The following PCDHGA2 variants were observed in gnomAD, a reference collection of about 807,000 sequenced individuals.
PCDHGA2 encodes protocadherin gamma-A2.
In PCDHGA2, 40 loss-of-function variants were observed where a neutral mutation model predicts 59.2. That is an observed-to-expected ratio of 0.68 (90% CI 0.52 to 0.88). PCDHGA2 has a LOEUF of 0.88. Among genes scored for constraint, PCDHGA2 ranks in the 40% least tolerant of loss-of-function variants. The probability of loss-of-function intolerance (pLI) is 0.00; values close to 1 mark genes in which losing one functional copy is unlikely to be tolerated. For missense variants in PCDHGA2, 1,226 were observed against 1,204.0 expected, an observed-to-expected ratio of 1.02 and a Z score of -0.27; for synonymous variants, 560 against 526.0, an observed-to-expected ratio of 1.06 and a Z score of -0.89.
chr5:141,374,457 A>G (rs775796857), intron 1 of PCDHGA2: 1 of 1,613,430 alleles, frequency 6.2e-7, no homozygotes. Context: ...GAAATAGTGG[A>G]CATTAATGAC....
intron 1 of PCDHGA2, chr5:141,372,781 T>C: frequency 6.2e-7 from 1 of 1,608,572 alleles, no homozygotes; most frequent in Non-Finnish European, 8.5e-7. Context: ...AATCCAGAAA[T>C]GCCTTCTAAT....
intron 1 of PCDHGA2, chr5:141,362,561 G>A (rs1416019755): frequency 1.2e-6 from 2 of 1,608,622 alleles, no homozygotes; most frequent in Middle Eastern, 1.7e-4. Context: ...TTGAAGGTGA[G>A]CTTTAATTAA....
chr5:141,350,056 G>A, intron 1 of PCDHGA2: 1 of 406,514 alleles, frequency 2.5e-6, no homozygotes, highest in Non-Finnish European at 4.3e-6. Context: ...TCGACCAAAA[G>A]GAAGTGAAGG....
rs2099403992 is a variant in PCDHGA2, at chr5:141,477,030, C to T, written c.2425-17777C>T. On this transcript the variant is annotated intron_variant, in intron 1 of 3. Transcript: ENST00000394576. This position sits in a 1 kb window ranked among gnomAD's most constrained non-coding sequence, Gnocchi z 4.9. ...TTAGACCTTGTAACCGGGATGCTGACAATCAAGGGTCGGCTGGACTTCGAG... is the reference window on the plus strand; with the variant it reads ...TTAGACCTTGTAACCGGGATGCTGATAATCAAGGGTCGGCTGGACTTCGAG... The T allele has an allele frequency of 1.2e-6, 2 of 1,614,272 alleles. No homozygotes were observed. The highest frequency in any genetic ancestry group is 1.6e-4 in the Middle Eastern group (1 of 6,062).
intron 1 of PCDHGA2, among the ~76,000 whole-genome samples, chr5:141,450,470 AGTTT>A (rs199699353): frequency 4.6e-5 from 7 of 151,680 alleles, no homozygotes; most frequent in Non-Finnish European, 8.8e-5. Flanking sequence ...TTATATATAG[AGTTT>A]GTTTGTTTGT....
At position 141,384,946 on chromosome 5, in the gene PCDHGA2, G is replaced by A. The variant is rs749521895; in HGVS notation, c.2424+43551G>A. The A allele has an allele frequency of 1.2e-5, 19 of 1,613,924 alleles. No individual in the cohort carries two copies. Among genetic ancestry groups the A allele is most frequent in the Non-Finnish European group, 1.4e-5 (17 of 1,180,030 alleles). On this transcript the variant is annotated intron_variant, in intron 1 of 3. Transcript: ENST00000394576. ...CCTGGGCAGCCTTGAGCCCTCCGACGGTCCTTACAACTATGACCTCACGTT... is the reference window on the plus strand; with the variant it reads ...CCTGGGCAGCCTTGAGCCCTCCGACAGTCCTTACAACTATGACCTCACGTT...
At chr5:141,450,790 A>G (rs2098694056) in intron 1 of PCDHGA2, among the ~76,000 whole-genome samples, 1 of 148,832 alleles carries the variant, frequency 6.7e-6, no homozygotes, top group Admixed American at 6.7e-5. Context: ...CCCGGACCTC[A>G]TGATTGTATT....
Position 141,511,656 on chromosome 5 carries a change from C to T in PCDHGA2, c.*483C>T, listed in dbSNP as rs2099883892. On this transcript the variant is annotated 3_prime_UTR_variant, in exon 4 of 4. Transcript: ENST00000394576. ...GGGCATCATGACCTCTTGGCCTCTC[C>T]TTTGATTCTCAATCTTCCCCCAAAG... is the stretch of plus-strand genomic sequence containing the variant. 4.9e-6 allele frequency: 1 copy of T among 206,024 alleles called. No individual in the cohort carries two copies. The highest frequency in any genetic ancestry group is 5.2e-5 in the Admixed American group (1 of 19,114). 12.8% of individuals were successfully genotyped at this position (206,024 alleles called of 1,614,324 possible).
At chr5:141,405,038 G>T in intron 1 of PCDHGA2, 1 of 1,613,964 alleles carries the variant, frequency 6.2e-7, no homozygotes, top group Non-Finnish European at 8.5e-7. Flanking sequence ...CCTCGTTGTG[G>T]CTGTGGCAGT....
intron 1 of PCDHGA2, among the ~76,000 whole-genome samples, chr5:141,424,908 C>G (rs910592644): frequency 1.3e-5 from 2 of 152,184 alleles, no homozygotes; most frequent in Non-Finnish European, 2.9e-5. Context: ...TCACAGGAAT[C>G]ATTTCCATAA....
intron 1 of PCDHGA2, chr5:141,429,167 TATAC>T (rs1240034860): frequency 7.3e-6 from 1 of 136,106 alleles, no homozygotes; most frequent in African/African-American, 2.9e-5. Flanking sequence ...AGACATTGTT[TATAC>T]ACACACACAC....
intron 2 of PCDHGA2, among the ~76,000 whole-genome samples, chr5:141,502,253 T>C (rs1331834149): frequency 6.6e-6 from 1 of 152,232 alleles, no homozygotes; most frequent in South Asian, 2.1e-4. Context: ...TTTTTTTTAA[T>C]CCAGGATTTT....
intron 1 of PCDHGA2, among the ~76,000 whole-genome samples, chr5:141,492,862 G>A (rs2099744602): frequency 6.6e-6 from 1 of 152,198 alleles, no homozygotes. Context: ...GAGCGCCCTG[G>A]CTCTCAACCC....
At position 141,369,841 on chromosome 5, in the gene PCDHGA2, A is replaced by G. The variant is rs139634339; in HGVS notation, c.2424+28446A>G. 6.6e-4 allele frequency among the ~76,000 whole-genome samples: 101 copies of G among 152,282 alleles called. No homozygotes were observed. The East Asian group carries it at 0.014, about 20-fold the overall frequency. ...CTTCCATTTGTATGATTTTCTATGT[A>G]TTATTTTATTTGGCCCTCATTTCTA... On this transcript the variant is annotated intron_variant, in intron 1 of 3. Coordinates refer to ENST00000394576, the MANE Select transcript of PCDHGA2 (RefSeq NM_018915.4).
intron 1 of PCDHGA2, chr5:141,357,224 TG>T: frequency 6.2e-7 from 1 of 1,613,828 alleles, no homozygotes; most frequent in African/African-American, 1.3e-5. Context: ...CTGGCTGACT[TG>T]GGCAGCCTCA....
intron 1 of PCDHGA2, among the ~76,000 whole-genome samples, chr5:141,449,848 T>C (rs7713034): frequency 0.29 from 44,283 of 151,474 alleles, 7,514 homozygotes; most frequent in African/African-American, 0.48. Flanking sequence ...AATTAAATTT[T>C]AATAATAAAA....
chr5:141,346,010 G>C, intron 1 of PCDHGA2: 2 of 1,613,190 alleles, frequency 1.2e-6, no homozygotes, highest in Non-Finnish European at 8.5e-7. Context: ...CCACTGTCAC[G>C]CTCACCGTGG....
intron 1 of PCDHGA2, chr5:141,356,119 C>A: frequency 6.2e-7 from 1 of 1,613,794 alleles, no homozygotes; most frequent in Non-Finnish European, 8.5e-7. Flanking sequence ...ATTGGGGGGT[C>A]TAGATTATGA....
chr5:141,373,352 G>A (rs1311109117), intron 1 of PCDHGA2, among the ~76,000 whole-genome samples: 5 of 152,178 alleles, frequency 3.3e-5, no homozygotes, highest in Non-Finnish European at 7.3e-5. Context: ...CTCTTGTAAT[G>A]GGCACTGTAA....
Sources: allele counts gnomAD v4.1 joint callset (sites outside exome capture counted in the v4.1 genomes callset), GRCh38; gene constraint gnomAD v4.1.1; non-coding constraint Gnocchi (gnomAD v3.1); transcripts MANE v1.5; gene names NCBI Gene and HGNC (gene_info 2026-07-23, HGNC 2026-07-21).